The following SEMA6D variants were observed in gnomAD, a reference collection of about 807,000 sequenced individuals.
SEMA6D encodes the protein semaphorin-6D.
Under a neutral mutation model 106.6 loss-of-function variants are expected in SEMA6D, and 35 were observed. That is an observed-to-expected ratio of 0.33 (90% CI 0.25 to 0.44). The LOEUF is 0.44. SEMA6D is among the 20% of genes least tolerant of loss of function. SEMA6D has a pLI of 1.00. For synonymous variants in SEMA6D, 499 were observed against 487.7 expected, an observed-to-expected ratio of 1.02 and a Z score of -0.31; for missense variants, 1,185 against 1,345.9, an observed-to-expected ratio of 0.88 and a Z score of 1.87.
At chr15:47,705,468 G>A (rs2078896108) in intron 4 of SEMA6D, among the ~76,000 whole-genome samples, 1 of 152,158 alleles carries the variant, frequency 6.6e-6, no homozygotes, top group African/African-American at 2.4e-5. Flanking sequence ...TCAAAGCTAA[G>A]CCGAAAATCA....
chr15:47,521,277 G>A (rs1382317733), intron 3 of SEMA6D, among the ~76,000 whole-genome samples: 1 of 152,172 alleles, frequency 6.6e-6, no homozygotes, highest in African/African-American at 2.4e-5. Context: ...GCAGGGACCT[G>A]CATTCTATGG....
chr15:47,336,619 T>C (rs1294700760), intron 1 of SEMA6D, among the ~76,000 whole-genome samples: 2 of 152,142 alleles, frequency 1.3e-5, no homozygotes, highest in Non-Finnish European at 2.9e-5. Context: ...AGAGAAATGC[T>C]CTAATAGGGA....
intron 1 of SEMA6D, among the ~76,000 whole-genome samples, chr15:47,286,478 G>A (rs115399564): frequency 0.018 from 2,771 of 152,204 alleles, 52 homozygotes; most frequent in African/African-American, 0.024. Context: ...ATTGTGAAAA[G>A]TAGCTATTTT....
At chr15:47,243,423 A>G (rs2141810234) in intron 1 of SEMA6D, among the ~76,000 whole-genome samples, 1 of 137,622 alleles carries the variant, frequency 7.3e-6, no homozygotes, top group East Asian at 1.9e-4. Context: ...CCATGCAGAA[A>G]TTGAAAAAAA....
chr15:47,570,564 C>T (rs1011098461), intron 3 of SEMA6D, among the ~76,000 whole-genome samples: 1 of 152,224 alleles, frequency 6.6e-6, no homozygotes, highest in Non-Finnish European at 1.5e-5. Flanking sequence ...AGTATGTCTT[C>T]ATCAAAAGGG....
chr15:47,193,564 C>T (rs1894114519), intron 1 of SEMA6D, among the ~76,000 whole-genome samples: 1 of 152,188 alleles, frequency 6.6e-6, no homozygotes. Flanking sequence ...CATCCAAAGG[C>T]TTCTCATTAC....
chr15:47,695,221 G>A (rs1055083772), intron 4 of SEMA6D, among the ~76,000 whole-genome samples: 22 of 152,100 alleles, frequency 1.4e-4, no homozygotes, highest in African/African-American at 3.6e-4. Context: ...CTGAATTCTC[G>A]TTTTTCAAAG....
At position 47,223,467 on chromosome 15, in the gene SEMA6D, AT is replaced by A. The variant is rs757929493; in HGVS notation, c.-239+39055del. 2.4e-4 allele frequency among the ~76,000 whole-genome samples: 37 copies of A among 151,354 alleles called. No individual in the cohort carries two copies. In the South Asian group the frequency reaches 3.1e-3, roughly 13 times the overall value. ...TTCATGTTTTCTCCCTTTGATTTTT[AT>A]TTTTTGTCGCCTGTGGCAGTACTTT... On this transcript the variant is annotated intron_variant, in intron 1 of 19. Coordinates refer to the SEMA6D transcript ENST00000558014.
At chr15:47,352,170 T>G (rs1200421554) in intron 1 of SEMA6D, among the ~76,000 whole-genome samples, 1 of 152,150 alleles carries the variant, frequency 6.6e-6, no homozygotes, top group East Asian at 1.9e-4. Context: ...AAAAATGATA[T>G]TTTAGTAATG....
At chr15:47,401,391 T>C (rs1039500063) in intron 1 of SEMA6D, among the ~76,000 whole-genome samples, 2 of 152,206 alleles carry the variant, frequency 1.3e-5, no homozygotes, top group African/African-American at 2.4e-5. Context: ...GTACTACTAA[T>C]ACCATTTTAT....
intron 1 of SEMA6D, among the ~76,000 whole-genome samples, chr15:47,219,891 T>C (rs1282994732): frequency 6.6e-6 from 1 of 152,196 alleles, no homozygotes; most frequent in Non-Finnish European, 1.5e-5. Flanking sequence ...AGAGCAGCTT[T>C]AGCGATCTTA....
intron 4 of SEMA6D, among the ~76,000 whole-genome samples, chr15:47,712,016 G>C (rs576658293): frequency 1.3e-5 from 2 of 152,146 alleles, no homozygotes; most frequent in Non-Finnish European, 2.9e-5. Context: ...CTTAACCAAA[G>C]AGGTTTATTT....
At chr15:47,479,560 A>G (rs1024039933) in intron 3 of SEMA6D, among the ~76,000 whole-genome samples, 1 of 152,324 alleles carries the variant, frequency 6.6e-6, no homozygotes, top group South Asian at 2.1e-4. Flanking sequence ...GTTGTCTTCA[A>G]GAGGGTGGAG....
rs1403406746 is a variant in SEMA6D, at chr15:47,771,698, GCC to G, written c.3136_3137del (p.Pro1046ValfsTer5). On this transcript the variant is annotated frameshift_variant, in exon 19 of 19. Transcript: ENST00000536845. LOFTEE classifies it high-confidence loss of function. ...TTCCTAGGACGGGACTAAAGAGGAC[GCC>G]GTCCTTAAAACCTGACGTGCCACCA... is the stretch of plus-strand genomic sequence containing the variant. The part of the protein sequence containing the change: ...TLPRTGLKRT[P>X]SLKPDVPPKP... The G allele has an allele frequency of 6.2e-7, 1 of 1,613,878 alleles. No homozygotes were observed. Among genetic ancestry groups the G allele is most frequent in the East Asian group, 2.2e-5 (1 of 44,870 alleles).
intron 3 of SEMA6D, among the ~76,000 whole-genome samples, chr15:47,518,426 A>T (rs1418766413): frequency 6.6e-6 from 1 of 152,164 alleles, no homozygotes; most frequent in African/African-American, 2.4e-5. Flanking sequence ...GAACAGGGAT[A>T]CATTGTAAGA....
At chr15:47,588,092 T>A (rs1237757791) in intron 3 of SEMA6D, among the ~76,000 whole-genome samples, 1 of 152,120 alleles carries the variant, frequency 6.6e-6, no homozygotes, top group African/African-American at 2.4e-5. Context: ...AGAAAGGGCC[T>A]TTTCTCACTG....
At chr15:47,564,411 T>C (rs1445052281) in intron 3 of SEMA6D, among the ~76,000 whole-genome samples, 3 of 152,230 alleles carry the variant, frequency 2.0e-5, no homozygotes, top group Non-Finnish European at 4.4e-5. Flanking sequence ...AGGATATTAA[T>C]GTAGATCCCC....
At chr15:47,580,083 C>T (rs1374687842) in intron 3 of SEMA6D, among the ~76,000 whole-genome samples, 1 of 152,166 alleles carries the variant, frequency 6.6e-6, no homozygotes, top group East Asian at 1.9e-4. Flanking sequence ...ACCCACCTGT[C>T]TGAGATGACC....
chr15:47,517,972 C>T (rs1283024047), intron 3 of SEMA6D, among the ~76,000 whole-genome samples: 1 of 152,172 alleles, frequency 6.6e-6, no homozygotes, highest in African/African-American at 2.4e-5. Flanking sequence ...CTGGGCCACA[C>T]CAACTTATTT....
Sources: gnomAD v4.1 joint callset for allele counts (sites outside exome capture counted in the v4.1 genomes callset) on GRCh38, gnomAD v4.1.1 for gene constraint, MANE v1.5 for transcripts, NCBI Gene and HGNC (gene_info 2026-07-23, HGNC 2026-07-21) for gene names.